Variants in RBMS1 observed in about 807,000 individuals in gnomAD.
The protein encoded by RBMS1 is RNA-binding motif, single-stranded-interacting protein 1.
RBMS1 carries 17 observed loss-of-function variants against 62.3 expected under a neutral mutation model. The observed-to-expected ratio is 0.27, with a 90% confidence interval of 0.19 to 0.41. RBMS1 has a LOEUF of 0.41. RBMS1 is among the 10% of genes least tolerant of loss of function. RBMS1 has a pLI of 1.00. For missense variants in RBMS1, 334 were observed against 504.5 expected (o/e 0.66, Z 3.24); for synonymous variants, 172 against 170.0 (o/e 1.01, Z -0.09).
At chr2:160,486,590 G>A (rs1342050303) in intron 1 of RBMS1, among the ~76,000 whole-genome samples, 1 of 152,098 alleles carries the variant, frequency 6.6e-6, no homozygotes, top group African/African-American at 2.4e-5. Flanking sequence ...TGGATTCCAG[G>A]GCCCATATTG....
Position 160,290,077 on chromosome 2 carries a change from T to C in RBMS1, c.641-2993A>G, listed in dbSNP as rs1479549432. On this transcript the variant is annotated intron_variant, in intron 6 of 13. Transcript: ENST00000348849. Reference sequence around the variant, plus strand: ...TTATTTTTAAGTGTGTGTGAGCGTGTTACAAAATGAGAGATCCTCATTTGG... The same window carrying C: ...TTATTTTTAAGTGTGTGTGAGCGTGCTACAAAATGAGAGATCCTCATTTGG... Among the ~76,000 whole-genome samples, 5 of 136,918 alleles carry C rather than the reference T, an allele frequency of 3.7e-5. No homozygotes were observed. In the East Asian group the frequency reaches 1.1e-3, roughly 30 times the overall value. 89.8% of individuals were successfully genotyped at this position (136,918 alleles called of 152,430 possible).
Position 160,286,622 on chromosome 2 carries a change from C to T in RBMS1, c.756+347G>A, listed in dbSNP as rs528649251. 9.9e-5 allele frequency among the ~76,000 whole-genome samples: 15 copies of T among 152,212 alleles called. No individual in the cohort carries two copies. The South Asian group carries it at 3.1e-3, about 32-fold the overall frequency. ...GGTGTGAGCCACCGCGCCTAGCCTACAGAAACCCTGTTTCTGAAAAAAACC... is the reference window on the plus strand; with the variant it reads ...GGTGTGAGCCACCGCGCCTAGCCTATAGAAACCCTGTTTCTGAAAAAAACC... On this transcript the variant is annotated intron_variant, in intron 7 of 13. Coordinates refer to ENST00000348849, the MANE Select transcript of RBMS1 (RefSeq NM_016836.4).
chr2:160,439,020 A>AC (rs1400149920), intron 1 of RBMS1, among the ~76,000 whole-genome samples: 3 of 136,608 alleles, frequency 2.2e-5, no homozygotes, highest in Non-Finnish European at 4.7e-5. Context: ...CGGGGGGCTG[A>AC]CCCCCCAATC....
chr2:160,354,845 A>G (rs528921825), intron 2 of RBMS1, among the ~76,000 whole-genome samples: 6 of 152,306 alleles, frequency 3.9e-5, no homozygotes, highest in African/African-American at 1.2e-4. Flanking sequence ...CAAGTTAGTA[A>G]GCGCATAGAC....
intron 1 of RBMS1, among the ~76,000 whole-genome samples, chr2:160,386,473 T>C (rs1158875551): frequency 6.6e-6 from 1 of 151,190 alleles, no homozygotes; most frequent in Non-Finnish European, 1.5e-5. Context: ...GAGGCGGAGG[T>C]TGCAGTGCTG....
intron 2 of RBMS1, among the ~76,000 whole-genome samples, chr2:160,357,865 T>A (rs1692890610): frequency 6.6e-6 from 1 of 152,130 alleles, no homozygotes; most frequent in Non-Finnish European, 1.5e-5. Flanking sequence ...TATGAGATGG[T>A]TCTCTATTGG....
chr2:160,408,574 C>T (rs1695894851), intron 1 of RBMS1: 1 of 152,192 alleles, frequency 6.6e-6, no homozygotes, highest in South Asian at 2.1e-4. Context: ...TTTGGTAAAC[C>T]TTTCTCCCTA....
At chr2:160,366,964 T>A in intron 2 of RBMS1, 1 of 298,520 alleles carries the variant, frequency 3.3e-6, no homozygotes, top group Non-Finnish European at 6.1e-6. Flanking sequence ...ATTTTACTTC[T>A]CATATGCCCA....
chr2:160,414,013 C>A (rs979481876), intron 1 of RBMS1, among the ~76,000 whole-genome samples: 1 of 152,154 alleles, frequency 6.6e-6, no homozygotes, highest in African/African-American at 2.4e-5. Context: ...GTATTAAGAG[C>A]CAAAGCTTGG....
chr2:160,449,493 C>T (rs1318672620), intron 1 of RBMS1, among the ~76,000 whole-genome samples: 2 of 152,226 alleles, frequency 1.3e-5, no homozygotes, highest in Non-Finnish European at 2.9e-5. Flanking sequence ...AAAAATTCTT[C>T]TGCCTTGGGA....
intron 1 of RBMS1, among the ~76,000 whole-genome samples, chr2:160,377,170 T>C (rs1160280233): frequency 6.6e-6 from 1 of 152,104 alleles, no homozygotes; most frequent in African/African-American, 2.4e-5. Context: ...TATACATAAA[T>C]AGGCACAGAC....
intron 1 of RBMS1, among the ~76,000 whole-genome samples, chr2:160,482,877 G>A (rs2105359163): frequency 6.6e-6 from 1 of 152,306 alleles, no homozygotes; most frequent in Admixed American, 6.5e-5. Flanking sequence ...CTATCACAAT[G>A]TACTTATCTC....
chr2:160,306,150 T>C (rs1434641164), intron 4 of RBMS1, among the ~76,000 whole-genome samples: 3 of 151,318 alleles, frequency 2.0e-5, no homozygotes, highest in African/African-American at 7.3e-5. Flanking sequence ...TGTGTGTGTG[T>C]GTATACACAT....
chr2:160,470,095 T>C (rs577484449), intron 1 of RBMS1, among the ~76,000 whole-genome samples: 62 of 152,114 alleles, frequency 4.1e-4, no homozygotes, highest in African/African-American at 1.4e-3. Flanking sequence ...AAATGCAAGC[T>C]GGTGTTCTGC....
At chr2:160,287,133 TGGATGACAAAATGTATTACAAAAATA>T in intron 6 of RBMS1, 49 bp from the exon 7 acceptor site, 1 of 1,603,942 alleles carries the variant, frequency 6.2e-7, no homozygotes, top group African/African-American at 1.3e-5. Flanking sequence ...TACGTGTATG[TGGATGACAAAATGTATTACAAAAATA>T]GGAATAGTGT....
At chr2:160,275,468 A>C in intron 13 of RBMS1, 162 bp downstream of exon 13, 18 of 1,274,292 alleles carry the variant, frequency 1.4e-5, no homozygotes, top group Non-Finnish European at 1.6e-5. Flanking sequence ...TAAATTCATA[A>C]AATCACTGAT....
At chr2:160,462,134 G>T (rs1028171329) in intron 1 of RBMS1, among the ~76,000 whole-genome samples, 4 of 152,186 alleles carry the variant, frequency 2.6e-5, no homozygotes, top group African/African-American at 9.7e-5. Flanking sequence ...AGCTCAACGG[G>T]CCCCAAACTT....
rs539797497 is a variant in RBMS1 at position 160,354,772 on chromosome 2, A to G, written c.251+12444T>C. ...GAAGATGCTATGGCACAAAGAAAAA[A>G]TGAGGGAGACAAGTGGTCCTGGCCC... On this transcript the variant is annotated intron_variant, in intron 2 of 13. Transcript: ENST00000348849. Among the ~76,000 whole-genome samples, 4 of 152,290 alleles carry G rather than the reference A, an allele frequency of 2.6e-5. No individual in the cohort carries two copies. The South Asian group carries it at 8.3e-4, about 32-fold the overall frequency.
chr2:160,427,642 T>C (rs1180436795), intron 1 of RBMS1, among the ~76,000 whole-genome samples: 1 of 152,200 alleles, frequency 6.6e-6, no homozygotes, highest in East Asian at 1.9e-4. Flanking sequence ...GTTATCTGTA[T>C]GAATAAGGAA....
Sources: allele counts gnomAD v4.1 joint callset (sites outside exome capture counted in the v4.1 genomes callset), GRCh38; gene constraint gnomAD v4.1.1; transcripts MANE v1.5; gene names NCBI Gene and HGNC (gene_info 2026-07-23, HGNC 2026-07-21).